PRKCH: variants seen among roughly 807,000 people sequenced by gnomAD.
PRKCH encodes protein kinase C eta.
PRKCH carries 28 observed loss-of-function variants against 82.5 expected under a neutral mutation model. The observed-to-expected ratio is 0.34, with a 90% CI of 0.25 to 0.47. PRKCH has a LOEUF of 0.47. PRKCH is among the 20% of genes least tolerant of loss of function. The pLI is 1.00. For synonymous variants in PRKCH, 322 were observed against 327.4 expected (o/e 0.98, Z 0.18); for missense variants, 705 against 881.8 (o/e 0.80, Z 2.54).
At chr14:61,318,099 G>C (rs895746284), upstream of PRKCH, among the ~76,000 whole-genome samples, 2 of 151,632 alleles carry the variant, frequency 1.3e-5, no homozygotes, top group African/African-American at 4.9e-5. Flanking sequence ...TTTGAGACAG[G>C]ATCTCACTCT....
intron 1 of PRKCH, chr14:61,278,634 A>C (rs567118363): frequency 6.6e-6 from 1 of 152,356 alleles, no homozygotes; most frequent in Admixed American, 6.5e-5. Flanking sequence ...AATACCAAAT[A>C]ACTGTTTGTT....
intron 1 of PRKCH, chr14:61,306,357 T>G (rs1182930501): frequency 6.6e-6 from 1 of 152,272 alleles, no homozygotes; most frequent in East Asian, 1.9e-4. Flanking sequence ...TTCTGCATAC[T>G]CCTTTCTTTG....
chr14:61,334,580 C>A (rs946716777), intron 1 of PRKCH, among the ~76,000 whole-genome samples: 1 of 152,022 alleles, frequency 6.6e-6, no homozygotes, highest in African/African-American at 2.4e-5. Flanking sequence ...AAGGCCCTAC[C>A]GTGAGAACAA....
chr14:61,338,398 G>T (rs182681765), intron 1 of PRKCH, among the ~76,000 whole-genome samples: 4 of 152,260 alleles, frequency 2.6e-5, no homozygotes, highest in Non-Finnish European at 4.4e-5. Context: ...GCTGCCTCAG[G>T]AGTAGTTTAG....
intron 1 of PRKCH, among the ~76,000 whole-genome samples, chr14:61,361,529 ACT>A (rs1009058136): frequency 6.6e-6 from 1 of 152,118 alleles, no homozygotes; most frequent in Non-Finnish European, 1.5e-5. Flanking sequence ...GAAACTTTCA[ACT>A]CTCTGTTTAG....
intron 1 of PRKCH, among the ~76,000 whole-genome samples, chr14:61,275,354 G>A (rs1262560216): frequency 4.6e-5 from 7 of 152,168 alleles, no homozygotes; most frequent in African/African-American, 7.2e-5. Flanking sequence ...ACCATATAGT[G>A]TCAAGCACCT....
chr14:61,439,780 C>T (rs1344037663), intron 2 of PRKCH, among the ~76,000 whole-genome samples: 1 of 151,934 alleles, frequency 6.6e-6, no homozygotes, highest in East Asian at 1.9e-4. Context: ...AGGGAAGGGC[C>T]GTTTAGGAAG....
chr14:61,267,857 G>A (rs2140084105), intron 1 of PRKCH, among the ~76,000 whole-genome samples: 1 of 152,162 alleles, frequency 6.6e-6, no homozygotes, highest in East Asian at 1.9e-4. Context: ...AAAAAATGCT[G>A]CCAATTAAAA....
intron 2 of PRKCH, among the ~76,000 whole-genome samples, chr14:61,441,392 C>T (rs765837815): frequency 3.9e-4 from 60 of 152,224 alleles, no homozygotes; most frequent in Non-Finnish European, 7.8e-4. Context: ...GTTTATACTC[C>T]TACTGACAGG....
intron 9 of PRKCH, among the ~76,000 whole-genome samples, chr14:61,475,420 G>A (rs984582687): frequency 6.6e-6 from 1 of 152,092 alleles, no homozygotes; most frequent in Non-Finnish European, 1.5e-5. Context: ...CGTTCTTCTC[G>A]ACCACTAGGG....
chr14:61,435,690 C>G (rs1232826541), intron 2 of PRKCH, among the ~76,000 whole-genome samples: 1 of 133,332 alleles, frequency 7.5e-6, no homozygotes, highest in Non-Finnish European at 1.6e-5. Context: ...TATCAACAAA[C>G]CTTATCTCAA....
chr14:61,415,517 A>T (rs1267642911), intron 2 of PRKCH, among the ~76,000 whole-genome samples: 1 of 152,228 alleles, frequency 6.6e-6, no homozygotes, highest in Non-Finnish European at 1.5e-5. Flanking sequence ...CAATTTAATG[A>T]GGACTGTCAT....
At position 61,280,645 on chromosome 14, in the gene PRKCH, C is replaced by T. The variant is rs2045251312; in HGVS notation, c.-19+92977C>T. 1.3e-6 allele frequency: 2 copies of T among 1,572,690 alleles called. No individual in the cohort carries two copies. The highest frequency in any genetic ancestry group is 8.6e-7 in the Non-Finnish European group (1 of 1,159,836). On this transcript the variant is annotated intron_variant, in intron 1 of 3. Transcript: ENST00000555185. This position sits in a 1 kb window ranked among gnomAD's most constrained non-coding sequence, Gnocchi z 5.0. Reference sequence around the variant, plus strand: ...AAGCGAGAAGGAGTCGTTGAAGAGGCTGTTGGCGATGGCGCCGCAGGGCGC... The same window carrying T: ...AAGCGAGAAGGAGTCGTTGAAGAGGTTGTTGGCGATGGCGCCGCAGGGCGC...
At position 61,438,126 on chromosome 14, in the gene PRKCH, A is replaced by G. The variant is rs540139541; in HGVS notation, c.428-4985A>G. Among the ~76,000 whole-genome samples, 3 of 152,286 alleles carry G rather than the reference A, an allele frequency of 2.0e-5. No homozygotes were observed. In the East Asian group the frequency reaches 5.8e-4, roughly 29 times the overall value. On this transcript the variant is annotated intron_variant, in intron 2 of 13. Coordinates refer to ENST00000332981, the MANE Select transcript of PRKCH (RefSeq NM_006255.5). ...ATAGATGAGGAAACTGAAGCATTGGATGTTAAACAACTTGCCCAGGGCCAC... is the reference window on the plus strand; with the variant it reads ...ATAGATGAGGAAACTGAAGCATTGGGTGTTAAACAACTTGCCCAGGGCCAC...
chr14:61,281,676 G>T (rs1360223863), intron 1 of PRKCH: 1 of 167,104 alleles, frequency 6.0e-6, no homozygotes, highest in Non-Finnish European at 1.5e-5. Flanking sequence ...TTGCACCGTG[G>T]TCCTGGAGGC....
rs553384850 is a variant in PRKCH, at chr14:61,432,238, A to G, written c.428-10873A>G. 6.6e-5 allele frequency among the ~76,000 whole-genome samples: 10 copies of G among 152,060 alleles called. No individual in the cohort carries two copies. In the South Asian group the frequency reaches 2.1e-3, roughly 32 times the overall value. On this transcript the variant is annotated intron_variant, in intron 2 of 13. Transcript: ENST00000332981. ...TGTGCATTTCCTTGATATTTTTGAT[A>G]TCTTTTTATTTTTCTTTTGAAGCTC...
At chr14:61,543,888 CA>C (rs1334217361) in intron 12 of PRKCH, 15 of 152,276 alleles carry the variant, frequency 9.9e-5, no homozygotes, top group African/African-American at 3.6e-4. Context: ...CCATCTGCAC[CA>C]ACGTGAACTG....
At chr14:61,229,372 A>G (rs1370397006) in intron 1 of PRKCH, among the ~76,000 whole-genome samples, 1 of 152,170 alleles carries the variant, frequency 6.6e-6, no homozygotes, top group Non-Finnish European at 1.5e-5. Context: ...TAAAAAAGGC[A>G]AGAAGGCTTT....
intron 10 of PRKCH, among the ~76,000 whole-genome samples, chr14:61,513,025 C>G (rs1390195536): frequency 1.3e-5 from 2 of 152,068 alleles, no homozygotes; most frequent in Non-Finnish European, 2.9e-5. Flanking sequence ...CACTGTGTTG[C>G]CCAAGCTGAC....
Sources: allele counts gnomAD v4.1 joint callset (sites outside exome capture counted in the v4.1 genomes callset), GRCh38; gene constraint gnomAD v4.1.1; non-coding constraint Gnocchi (gnomAD v3.1); transcripts MANE v1.5; gene names NCBI Gene and HGNC (gene_info 2026-07-23, HGNC 2026-07-21).